The following ZPBP variants were observed in gnomAD, a reference collection of about 807,000 sequenced individuals.
ZPBP encodes the protein zona pellucida-binding protein 1.
A neutral mutation model predicts 44.8 loss-of-function variants in ZPBP; 26 were observed. The ratio of observed to expected loss-of-function variants is 0.58; its 90% CI spans 0.43 to 0.81. The LOEUF (loss-of-function observed/expected upper bound fraction) is 0.81, where lower values mean the gene tolerates loss of function less well. Among genes scored for constraint, ZPBP ranks in the 30% least tolerant of loss-of-function variants. ZPBP has a pLI of 0.00. For missense variants in ZPBP, 409 were observed against 434.0 expected, an observed-to-expected ratio of 0.94 and a Z score of 0.51; for synonymous variants, 174 against 153.2, an observed-to-expected ratio of 1.14 and a Z score of -1.00.
At chr7:49,940,261 C>G (rs570188415) in intron 7 of ZPBP, among the ~76,000 whole-genome samples, 3 of 151,812 alleles carry the variant, frequency 2.0e-5, no homozygotes, top group Admixed American at 1.3e-4. Flanking sequence ...CTTTTGTTAA[C>G]GACAGTCAAG....
At chr7:50,013,945 C>T (rs1798696887) in intron 6 of ZPBP, among the ~76,000 whole-genome samples, 1 of 151,992 alleles carries the variant, frequency 6.6e-6, no homozygotes, top group Non-Finnish European at 1.5e-5. Context: ...AAATATTAAT[C>T]AATTATATAT....
intron 1 of ZPBP, among the ~76,000 whole-genome samples, chr7:49,922,732 A>T (rs374655998): frequency 2.6e-5 from 4 of 152,204 alleles, no homozygotes; most frequent in African/African-American, 9.7e-5. Context: ...TAACCTCCCT[A>T]TATGTGTTTG....
At chr7:50,029,851 T>C (rs62447763) in intron 5 of ZPBP, among the ~76,000 whole-genome samples, 2 of 42,876 alleles carry the variant, frequency 4.7e-5, no homozygotes, top group South Asian at 7.9e-4. Context: ...GTTGCTGTTG[T>C]TGTTGTTGTT....
chr7:49,978,249 T>C (rs1211527308), intron 7 of ZPBP, among the ~76,000 whole-genome samples: 1 of 151,770 alleles, frequency 6.6e-6, no homozygotes, highest in Non-Finnish European at 1.5e-5. Context: ...TTGTAGTATA[T>C]TATATAATTT....
chr7:49,864,667 G>T (rs1790805605), intron 2 of ZPBP, among the ~76,000 whole-genome samples: 3 of 152,184 alleles, frequency 2.0e-5, no homozygotes. Flanking sequence ...GCAAAACAGA[G>T]GCCTGCATCT....
intron 2 of ZPBP, among the ~76,000 whole-genome samples, chr7:49,871,032 T>C (rs534804393): frequency 6.6e-6 from 1 of 152,140 alleles, no homozygotes; most frequent in Non-Finnish European, 1.5e-5. Context: ...TGAAAAGTAT[T>C]CCACAGAACC....
At chr7:49,922,789 C>G (rs1056838811) in intron 1 of ZPBP, among the ~76,000 whole-genome samples, 8 of 152,120 alleles carry the variant, frequency 5.3e-5, no homozygotes, top group African/African-American at 1.7e-4. Context: ...TCTGAGGCTA[C>G]ACAAATACAA....
chr7:49,905,292 A>G (rs1423269019), intron 1 of ZPBP, among the ~76,000 whole-genome samples: 1 of 152,204 alleles, frequency 6.6e-6, no homozygotes, highest in Non-Finnish European at 1.5e-5. Context: ...AGCTATGGAA[A>G]GTGACCATTC....
At position 49,937,534 on chromosome 7, in the gene ZPBP, G is replaced by A. The variant is rs142494056; in HGVS notation, c.1050C>T (p.Cys350=). ...NSSLVYGAKT[C]L ...AATAACTGAAGATAATGGCTTATAA[G>A]CACGTTTTTGCTCCATACACCAGGC... Residue 350 remains cysteine (C), a synonymous_variant, in exon 8 of 8, where the codon TGC becomes TGT. Transcript: ENST00000046087. 1 of 1,612,202 alleles carries A rather than the reference G, an allele frequency of 6.2e-7. No individual in the cohort carries two copies. The highest frequency in any genetic ancestry group is 1.3e-5 in the African/African-American group (1 of 74,832).
intron 5 of ZPBP, among the ~76,000 whole-genome samples, chr7:50,027,321 A>C (rs1028588290): frequency 6.6e-6 from 1 of 152,026 alleles, no homozygotes; most frequent in Admixed American, 6.6e-5. Context: ...ACAGAAGGAC[A>C]TCTAGAATGT....
chr7:50,022,924 G>T (rs1427002437), intron 5 of ZPBP, among the ~76,000 whole-genome samples: 1 of 152,082 alleles, frequency 6.6e-6, no homozygotes, highest in Non-Finnish European at 1.5e-5. Context: ...TTGGGCAGTA[G>T]GGGAGGGCTT....
At chr7:49,928,824 T>C (rs1794346039) in intron 1 of ZPBP, among the ~76,000 whole-genome samples, 2 of 152,174 alleles carry the variant, frequency 1.3e-5, no homozygotes, top group South Asian at 2.1e-4. Context: ...TCAGATTACA[T>C]AGTAACTTGT....
chr7:50,016,896 C>A (rs1489681159), intron 6 of ZPBP, among the ~76,000 whole-genome samples: 1 of 151,986 alleles, frequency 6.6e-6, no homozygotes, highest in Non-Finnish European at 1.5e-5. Context: ...AAACCTATCC[C>A]AAGGAAGAGA....
chr7:49,983,629 A>G, intron 6 of ZPBP, 110 bp from the exon 7 acceptor site: 1 of 681,682 alleles, frequency 1.5e-6, no homozygotes, highest in East Asian at 2.8e-5. Context: ...TCTCAAGGTC[A>G]TTATTTTTTC....
At chr7:49,899,143 T>C (rs1392096061) in intron 2 of ZPBP, among the ~76,000 whole-genome samples, 1 of 152,038 alleles carries the variant, frequency 6.6e-6, no homozygotes, top group Admixed American at 6.6e-5. Flanking sequence ...AAGGATATGT[T>C]CTACAACCCC....
chr7:49,859,404 C>A (rs566982692), intron 2 of ZPBP, among the ~76,000 whole-genome samples: 1 of 152,164 alleles, frequency 6.6e-6, no homozygotes, highest in African/African-American at 2.4e-5. Context: ...GTTTTAAATT[C>A]TTTAAATTTT....
chr7:50,087,412 C>T (rs1802717024), intron 2 of ZPBP, among the ~76,000 whole-genome samples: 1 of 151,862 alleles, frequency 6.6e-6, no homozygotes, highest in Non-Finnish European at 1.5e-5. Context: ...GAACAAAAAA[C>T]ACATTATCGT....
chr7:50,026,974 G>A (rs1263127662), intron 5 of ZPBP, among the ~76,000 whole-genome samples: 1 of 151,950 alleles, frequency 6.6e-6, no homozygotes, highest in East Asian at 1.9e-4. Flanking sequence ...TCAATAGACA[G>A]AGCCAAATTC....
intron 6 of ZPBP, among the ~76,000 whole-genome samples, chr7:50,014,290 C>T (rs951318392): frequency 6.6e-6 from 1 of 151,778 alleles, no homozygotes; most frequent in East Asian, 1.9e-4. Context: ...GGAAAGGAAC[C>T]TAGAACATCC....
Sources: allele counts gnomAD v4.1 joint callset (sites outside exome capture counted in the v4.1 genomes callset), GRCh38; gene constraint gnomAD v4.1.1; transcripts MANE v1.5; gene names NCBI Gene and HGNC (gene_info 2026-07-23, HGNC 2026-07-21).